The following DNAJC1 variants were observed in gnomAD, a reference collection of about 807,000 sequenced individuals.
The protein encoded by DNAJC1 is DnaJ heat shock protein family (Hsp40) member C1, also known as dnaJ homolog subfamily C member 1.
Under a neutral mutation model 76.6 loss-of-function variants are expected in DNAJC1, and 58 were observed. That is an observed-to-expected ratio of 0.76 (90% CI 0.61 to 0.94). The LOEUF (loss-of-function observed/expected upper bound fraction) is 0.94, where lower values mean the gene tolerates loss of function less well. Ranked by LOEUF, DNAJC1 falls within the 40% of genes least tolerant of loss-of-function variation. The pLI is 0.00. For missense variants in DNAJC1, 689 were observed against 677.3 expected, an observed-to-expected ratio of 1.02 and a Z score of -0.19; for synonymous variants, 258 against 267.9, an observed-to-expected ratio of 0.96 and a Z score of 0.36.
chr10:21,802,815 C>A (rs1008176165), intron 9 of DNAJC1, among the ~76,000 whole-genome samples: 2 of 152,110 alleles, frequency 1.3e-5, no homozygotes, highest in Non-Finnish European at 2.9e-5. Flanking sequence ...AGGAAACCTG[C>A]AGTTAATCAT....
At chr10:21,778,799 T>C (rs890362432) in intron 9 of DNAJC1, among the ~76,000 whole-genome samples, 11 of 152,192 alleles carry the variant, frequency 7.2e-5, no homozygotes, top group Non-Finnish European at 1.2e-4. Context: ...GGGCGAGGCA[T>C]TGCCTCTCCC....
At chr10:21,906,380 A>G (rs1258339422) in intron 6 of DNAJC1, among the ~76,000 whole-genome samples, 1 of 152,104 alleles carries the variant, frequency 6.6e-6, no homozygotes. Flanking sequence ...AGTCAACCCT[A>G]AAGAAGTATT....
chr10:21,875,180 G>A (rs914534821), intron 8 of DNAJC1, among the ~76,000 whole-genome samples: 29 of 151,894 alleles, frequency 1.9e-4, no homozygotes, highest in African/African-American at 5.6e-4. Flanking sequence ...CACGCCCAGC[G>A]AGAAAAGTTT....
chr10:21,975,082 T>C (rs1001251915), intron 1 of DNAJC1, among the ~76,000 whole-genome samples: 2 of 152,114 alleles, frequency 1.3e-5, no homozygotes, highest in Non-Finnish European at 2.9e-5. Context: ...GGGGTACTCA[T>C]ACAGTATAGG....
chr10:21,893,976 G>C (rs1041602212), intron 7 of DNAJC1, among the ~76,000 whole-genome samples: 7 of 152,056 alleles, frequency 4.6e-5, no homozygotes, highest in Non-Finnish European at 1.0e-4. Context: ...AATCACTACA[G>C]GGCATGTAGA....
At chr10:21,943,115 A>G (rs1837446235) in intron 1 of DNAJC1, among the ~76,000 whole-genome samples, 1 of 152,170 alleles carries the variant, frequency 6.6e-6, no homozygotes, top group Non-Finnish European at 1.5e-5. Flanking sequence ...TTACATCAAA[A>G]TCTATGAGAA....
intron 8 of DNAJC1, among the ~76,000 whole-genome samples, chr10:21,843,049 G>A (rs570926363): frequency 3.3e-5 from 5 of 152,112 alleles, no homozygotes; most frequent in Admixed American, 2.0e-4. Context: ...GAATACCTAG[G>A]ATGGTGTGCA....
At chr10:21,869,084 A>G (rs1269206992) in intron 8 of DNAJC1, among the ~76,000 whole-genome samples, 1 of 152,012 alleles carries the variant, frequency 6.6e-6, no homozygotes, top group East Asian at 1.9e-4. Flanking sequence ...TGTATTCTGC[A>G]GAGAATCTCC....
chr10:21,888,474 T>A (rs535761472), intron 7 of DNAJC1, among the ~76,000 whole-genome samples: 32 of 152,192 alleles, frequency 2.1e-4, no homozygotes, highest in African/African-American at 7.2e-4. Context: ...AGCAAAGACA[T>A]GGAATCAACC....
At chr10:21,946,656 A>T (rs1191380266) in intron 1 of DNAJC1, among the ~76,000 whole-genome samples, 1 of 152,184 alleles carries the variant, frequency 6.6e-6, no homozygotes, top group Non-Finnish European at 1.5e-5. Flanking sequence ...GGGCAATTTC[A>T]TTCCTAAGTA....
intron 7 of DNAJC1, among the ~76,000 whole-genome samples, chr10:21,893,075 C>A (rs978153873): frequency 6.6e-6 from 1 of 152,158 alleles, no homozygotes; most frequent in Non-Finnish European, 1.5e-5. Context: ...AATACACATT[C>A]TTTTCAAATG....
intron 1 of DNAJC1, among the ~76,000 whole-genome samples, chr10:21,980,921 T>C (rs1838145480): frequency 1.3e-5 from 2 of 152,106 alleles, no homozygotes; most frequent in South Asian, 2.1e-4. Flanking sequence ...ACTGTATTTG[T>C]AGCTCCCCTT....
chr10:21,966,419 G>A (rs969406775), intron 1 of DNAJC1, among the ~76,000 whole-genome samples: 50 of 123,790 alleles, frequency 4.0e-4, no homozygotes, highest in African/African-American at 1.5e-3. Context: ...ATGCTGGGGT[G>A]TTTATCTAGT....
intron 7 of DNAJC1, among the ~76,000 whole-genome samples, chr10:21,884,916 A>G (rs1426305677): frequency 6.6e-6 from 1 of 152,136 alleles, no homozygotes; most frequent in Non-Finnish European, 1.5e-5. Flanking sequence ...AAGCTAATAC[A>G]AAAATACACA....
chr10:21,767,165 G>A (rs756791712), intron 9 of DNAJC1, among the ~76,000 whole-genome samples: 8 of 152,048 alleles, frequency 5.3e-5, no homozygotes, highest in Non-Finnish European at 1.2e-4. Flanking sequence ...AACCTGGAAG[G>A]GAACCCTAAG....
chr10:21,971,173 T>C (rs1194350055), intron 1 of DNAJC1, among the ~76,000 whole-genome samples: 2 of 151,856 alleles, frequency 1.3e-5, no homozygotes, highest in African/African-American at 4.8e-5. Context: ...TAATCTTACA[T>C]GTAGCATAAC....
intron 1 of DNAJC1, among the ~76,000 whole-genome samples, chr10:21,929,585 G>A (rs184468262): frequency 1.1e-4 from 16 of 152,178 alleles, no homozygotes; most frequent in African/African-American, 3.9e-4. Flanking sequence ...TATTTATATT[G>A]AGTTTATCAT....
intron 8 of DNAJC1, among the ~76,000 whole-genome samples, chr10:21,875,357 G>C (rs1836169335): frequency 6.6e-6 from 1 of 151,886 alleles, no homozygotes; most frequent in South Asian, 2.1e-4. Flanking sequence ...AGTCTTCCTA[G>C]GTTTCCCTGG....
chr10:21,853,579 C>T (rs1835787509), intron 8 of DNAJC1, among the ~76,000 whole-genome samples: 1 of 151,742 alleles, frequency 6.6e-6, no homozygotes, highest in South Asian at 2.1e-4. Flanking sequence ...AATATCTCTA[C>T]TTAAAAACTG....
Sources: allele counts gnomAD v4.1 joint callset (sites outside exome capture counted in the v4.1 genomes callset), GRCh38; gene constraint gnomAD v4.1.1; transcripts MANE v1.5; gene names NCBI Gene and HGNC (gene_info 2026-07-23, HGNC 2026-07-21).